The following ZNF385B variants were observed in gnomAD, a reference collection of about 807,000 sequenced individuals.
The protein encoded by ZNF385B is zinc finger protein 533.
Under a neutral mutation model 39.2 loss-of-function variants are expected in ZNF385B, and 23 were observed. The observed-to-expected ratio is 0.59, with a 90% CI of 0.42 to 0.83. ZNF385B has a LOEUF of 0.83. Among genes scored for constraint, ZNF385B ranks in the 40% least tolerant of loss-of-function variants. The pLI, the probability that ZNF385B is intolerant of heterozygous loss-of-function variation, is 0.00. For synonymous variants in ZNF385B, 205 were observed against 222.6 expected (o/e 0.92, Z 0.70); for missense variants, 552 against 598.9 (o/e 0.92, Z 0.82).
At chr2:179,591,628 T>C (rs1041593296) in intron 3 of ZNF385B, among the ~76,000 whole-genome samples, 1 of 152,234 alleles carries the variant, frequency 6.6e-6, no homozygotes, top group African/African-American at 2.4e-5. Context: ...ACCTCAGTAC[T>C]TGGTGAGGCT....
chr2:179,602,698 T>C (rs1209821326), intron 3 of ZNF385B, among the ~76,000 whole-genome samples: 1 of 152,206 alleles, frequency 6.6e-6, no homozygotes, highest in Non-Finnish European at 1.5e-5. Context: ...ACATCATATA[T>C]ATTGGCAACA....
In ZNF385B at chr2:179,608,024, C is replaced by G. The variant is rs1688969915; in HGVS notation, c.299-63055G>C. 2.7e-5 allele frequency among the ~76,000 whole-genome samples: 4 copies of G among 150,768 alleles called. No individual in the cohort carries two copies. The Admixed American group carries it at 2.7e-4, about 10-fold the overall frequency. ...CTGCCTCCTGGGTTTGAGCGATTCT[C>G]CTGCCTCAGTCTCCGAGTAGCTGGG... On this transcript the variant is annotated intron_variant, in intron 3 of 9. Transcript: ENST00000410066.
At chr2:179,798,086 T>A (rs1053522084) in intron 1 of ZNF385B, among the ~76,000 whole-genome samples, 4 of 152,104 alleles carry the variant, frequency 2.6e-5, no homozygotes, top group Non-Finnish European at 2.9e-5. Flanking sequence ...GATCTTTTTT[T>A]AAGTATCATT....
intron 3 of ZNF385B, among the ~76,000 whole-genome samples, chr2:179,731,773 C>A (rs2106429674): frequency 6.6e-6 from 1 of 152,310 alleles, no homozygotes; most frequent in East Asian, 1.9e-4. Flanking sequence ...GGCATCATAG[C>A]AAGACCCTGT....
At chr2:179,549,438 T>G (rs2060430819) in intron 3 of ZNF385B, among the ~76,000 whole-genome samples, 1 of 149,440 alleles carries the variant, frequency 6.7e-6, no homozygotes, top group Admixed American at 6.7e-5. Context: ...TTTACATGAT[T>G]ACTATCAGTG....
chr2:179,496,237 GAAGA>G (rs1237391169), intron 5 of ZNF385B, among the ~76,000 whole-genome samples: 1 of 152,150 alleles, frequency 6.6e-6, no homozygotes, highest in African/African-American at 2.4e-5. Context: ...TGATGAAGCA[GAAGA>G]AAGAATTAGT....
chr2:179,474,435 T>C (rs897462781), intron 6 of ZNF385B, among the ~76,000 whole-genome samples: 2 of 152,182 alleles, frequency 1.3e-5, no homozygotes, highest in Non-Finnish European at 2.9e-5. Flanking sequence ...ACATTACTTT[T>C]AATGGCAAAA....
chr2:179,601,851 C>T (rs1688434481), intron 3 of ZNF385B, among the ~76,000 whole-genome samples: 1 of 152,092 alleles, frequency 6.6e-6, no homozygotes, highest in Non-Finnish European at 1.5e-5. Context: ...CCTTTTGCCC[C>T]AAATATGCCA....
chr2:179,698,000 T>C (rs13035546), intron 3 of ZNF385B, among the ~76,000 whole-genome samples: 67,317 of 151,844 alleles, frequency 0.44, 16,366 homozygotes, highest in South Asian at 0.59. Flanking sequence ...ATGAGAACAC[T>C]TGGACACAGG....
intron 3 of ZNF385B, among the ~76,000 whole-genome samples, chr2:179,735,113 A>C (rs1383285998): frequency 2.0e-5 from 3 of 152,148 alleles, no homozygotes; most frequent in Admixed American, 6.5e-5. Flanking sequence ...AATGGGAGAA[A>C]ATTTTCGCAA....
chr2:179,600,279 G>A (rs140870153), intron 3 of ZNF385B, among the ~76,000 whole-genome samples: 6 of 152,220 alleles, frequency 3.9e-5, no homozygotes, highest in Non-Finnish European at 7.4e-5. Flanking sequence ...ATAAAGAAAC[G>A]CCAGCATGTT....
intron 1 of ZNF385B, among the ~76,000 whole-genome samples, chr2:179,771,954 C>G (rs903742920): frequency 6.6e-6 from 1 of 152,140 alleles, no homozygotes; most frequent in Non-Finnish European, 1.5e-5. Context: ...CTCAAGGAAG[C>G]AAGATCCTTG....
chr2:179,658,099 C>T (rs1434176285), intron 3 of ZNF385B, among the ~76,000 whole-genome samples: 1 of 152,196 alleles, frequency 6.6e-6, no homozygotes, highest in Non-Finnish European at 1.5e-5. Context: ...TAGATGAATT[C>T]AACTGCAGGA....
chr2:179,447,397 T>A (rs1356371721), intron 6 of ZNF385B, among the ~76,000 whole-genome samples: 1 of 152,210 alleles, frequency 6.6e-6, no homozygotes, highest in Non-Finnish European at 1.5e-5. Flanking sequence ...AAGTTTTAAA[T>A]AATGACATTA....
At chr2:179,665,212 T>A (rs1206092245) in intron 3 of ZNF385B, among the ~76,000 whole-genome samples, 1 of 152,102 alleles carries the variant, frequency 6.6e-6, no homozygotes, top group African/African-American at 2.4e-5. Flanking sequence ...TGGTGTGAAA[T>A]AAACAACATA....
At chr2:179,598,791 T>C (rs926633430) in intron 3 of ZNF385B, among the ~76,000 whole-genome samples, 4 of 152,194 alleles carry the variant, frequency 2.6e-5, no homozygotes, top group Admixed American at 6.5e-5. Context: ...GGATGTTTGG[T>C]ACATAAAAAT....
intron 3 of ZNF385B, among the ~76,000 whole-genome samples, chr2:179,640,921 C>T (rs1254127331): frequency 6.6e-6 from 1 of 152,108 alleles, no homozygotes; most frequent in Non-Finnish European, 1.5e-5. Flanking sequence ...AAATTCTTTT[C>T]TCCGATTTCC....
chr2:179,537,769 A>AC (rs1317425211), intron 4 of ZNF385B, among the ~76,000 whole-genome samples: 16 of 146,920 alleles, frequency 1.1e-4, no homozygotes, highest in South Asian at 2.2e-4. Flanking sequence ...AAACAAACAA[A>AC]AAAAAAAATT....
chr2:179,768,298 C>T (rs1048760607), intron 3 of ZNF385B, among the ~76,000 whole-genome samples: 15 of 151,852 alleles, frequency 9.9e-5, no homozygotes, highest in African/African-American at 3.6e-4. Context: ...AATGAATACA[C>T]CTTGGAATAA....
Sources: allele counts gnomAD v4.1 joint callset (sites outside exome capture counted in the v4.1 genomes callset), GRCh38; gene constraint gnomAD v4.1.1; transcripts MANE v1.5; gene names NCBI Gene and HGNC (gene_info 2026-07-23, HGNC 2026-07-21).